SLC39A11: variants seen among roughly 807,000 people sequenced by gnomAD.
SLC39A11 encodes zinc transporter ZIP11.
Under a neutral mutation model 36.1 loss-of-function variants are expected in SLC39A11, and 33 were observed. The observed-to-expected ratio is 0.91, with a 90% CI of 0.69 to 1.22. The LOEUF is 1.22. Ranked by LOEUF, SLC39A11 falls within the 50% of genes most tolerant of loss-of-function variation. SLC39A11 has a pLI of 0.00. For missense variants in SLC39A11, 432 were observed against 430.3 expected, an observed-to-expected ratio of 1.00 and a Z score of -0.03; for synonymous variants, 166 against 170.3, an observed-to-expected ratio of 0.97 and a Z score of 0.20.
chr17:72,655,608 T>G (rs1181766772), intron 7 of SLC39A11, among the ~76,000 whole-genome samples: 3 of 152,118 alleles, frequency 2.0e-5, no homozygotes, highest in Admixed American at 2.0e-4. Flanking sequence ...AGGAGCCCCT[T>G]CCCTGCTATT....
intron 2 of SLC39A11, among the ~76,000 whole-genome samples, chr17:73,086,272 ACCTAATAAAATGCACCAG>A (rs542831602): frequency 8.9e-4 from 135 of 152,120 alleles, no homozygotes; most frequent in Non-Finnish European, 1.5e-3. Flanking sequence ...GTTGGTGCAA[ACCTAATAAAATGCACCAG>A]CCTAATAAAA....
chr17:73,046,095 C>T (rs570390541), intron 3 of SLC39A11, among the ~76,000 whole-genome samples: 3 of 152,260 alleles, frequency 2.0e-5, no homozygotes, highest in East Asian at 1.9e-4. Context: ...TGATACAAAA[C>T]GCAAAGATCT....
At chr17:72,749,735 C>T (rs948305758) in intron 6 of SLC39A11, among the ~76,000 whole-genome samples, 3 of 152,054 alleles carry the variant, frequency 2.0e-5, no homozygotes, top group Non-Finnish European at 4.4e-5. Flanking sequence ...CACTGCACAC[C>T]GAAGGCAGGA....
intron 7 of SLC39A11, among the ~76,000 whole-genome samples, chr17:72,680,986 G>C (rs2071487722): frequency 6.6e-6 from 1 of 152,162 alleles, no homozygotes. Context: ...CTGTTGCCCA[G>C]GCTGGATTGC....
At chr17:72,659,054 G>T (rs2070286533) in intron 7 of SLC39A11, among the ~76,000 whole-genome samples, 1 of 152,176 alleles carries the variant, frequency 6.6e-6, no homozygotes, top group Non-Finnish European at 1.5e-5. Flanking sequence ...GCAGAACCAT[G>T]TCCTGCAGTG....
chr17:72,932,953 G>A (rs867075172), intron 5 of SLC39A11, among the ~76,000 whole-genome samples: 13 of 152,060 alleles, frequency 8.5e-5, no homozygotes, highest in African/African-American at 3.1e-4. Context: ...TATGCATACC[G>A]TTCATCTACC....
chr17:72,900,223 AAGAAAG>A (rs2082320820), intron 5 of SLC39A11, among the ~76,000 whole-genome samples: 2 of 147,756 alleles, frequency 1.4e-5, no homozygotes, highest in East Asian at 2.0e-4. Flanking sequence ...GAAAGAAAGA[AAGAAAG>A]AAAAAGACAG....
Position 72,983,335 on chromosome 17 carries a change from G to A in SLC39A11, c.307-35460C>T, listed in dbSNP as rs1448698770. Among the ~76,000 whole-genome samples the A allele has an allele frequency of 4.6e-5, 7 of 152,144 alleles. 1 individual carries two copies. The highest frequency in any genetic ancestry group is 4.6e-4 in the Admixed American group (7 of 15,276). On this transcript the variant is annotated intron_variant, in intron 4 of 9. Transcript: ENST00000255559. ...CAGCTAATTTTGTATTTTTAGTAGA[G>A]ACGAGGTTTCACCATGTTGGCCAGG...
chr17:73,073,474 T>A (rs1014009402), intron 3 of SLC39A11, among the ~76,000 whole-genome samples: 2 of 152,130 alleles, frequency 1.3e-5, no homozygotes, highest in Admixed American at 6.5e-5. Flanking sequence ...ACCAACCCTG[T>A]TACACTGTCT....
At chr17:72,941,238 A>C (rs916876390) in intron 5 of SLC39A11, among the ~76,000 whole-genome samples, 3 of 152,136 alleles carry the variant, frequency 2.0e-5, no homozygotes, top group African/African-American at 7.2e-5. Flanking sequence ...GCACCACTGC[A>C]CTCCAGCCTG....
At chr17:73,047,965 T>C (rs2059353042) in intron 3 of SLC39A11, among the ~76,000 whole-genome samples, 2 of 8,730 alleles carry the variant, frequency 2.3e-4, no homozygotes, top group Non-Finnish European at 3.7e-4. Context: ...AGACTCCATC[T>C]CAAAAAAAAA....
At chr17:73,079,081 T>G (rs1399063748) in intron 3 of SLC39A11, among the ~76,000 whole-genome samples, 1 of 152,082 alleles carries the variant, frequency 6.6e-6, no homozygotes, top group Non-Finnish European at 1.5e-5. Context: ...ATATTTATAC[T>G]AGAAAATCTA....
chr17:72,812,481 T>A (rs1382237932), intron 6 of SLC39A11, among the ~76,000 whole-genome samples: 2 of 152,218 alleles, frequency 1.3e-5, no homozygotes, highest in Non-Finnish European at 2.9e-5. Context: ...AAAGAAATGG[T>A]TAGCCACACA....
intron 4 of SLC39A11, among the ~76,000 whole-genome samples, chr17:72,967,976 C>A (rs1243806155): frequency 3.9e-5 from 6 of 152,272 alleles, no homozygotes; most frequent in African/African-American, 9.6e-5. Flanking sequence ...TCACCACCCC[C>A]TCTCCTCCAC....
chr17:72,861,688 T>TATATATATATATA (rs1169877556), intron 5 of SLC39A11, among the ~76,000 whole-genome samples: 1 of 88,800 alleles, frequency 1.1e-5, no homozygotes, highest in African/African-American at 4.4e-5. Context: ...TATATATATA[T>TATATATATATATA]AAAATATATA....
At chr17:72,671,076 T>C (rs912525663) in intron 7 of SLC39A11, among the ~76,000 whole-genome samples, 10 of 152,212 alleles carry the variant, frequency 6.6e-5, no homozygotes, top group African/African-American at 2.4e-4. Context: ...GTGTCTGAGA[T>C]AAGGACTGTC....
chr17:72,791,579 T>C (rs2076705370), intron 6 of SLC39A11, among the ~76,000 whole-genome samples: 1 of 152,202 alleles, frequency 6.6e-6, no homozygotes, highest in Admixed American at 6.5e-5. Context: ...ATAGACATTA[T>C]TTCATTCAAT....
chr17:73,011,678 T>C (rs1201301792), intron 4 of SLC39A11, among the ~76,000 whole-genome samples: 1 of 150,986 alleles, frequency 6.6e-6, no homozygotes, highest in Non-Finnish European at 1.5e-5. Context: ...TTTTTTTTTT[T>C]TGGATGGAGT....
chr17:72,716,992 T>TACACAC (rs367641582), intron 7 of SLC39A11, among the ~76,000 whole-genome samples: 325 of 126,440 alleles, frequency 2.6e-3, no homozygotes, highest in African/African-American at 8.6e-3. Flanking sequence ...TATATATATA[T>TACACAC]ACACACACAC....
Sources: allele counts gnomAD v4.1 joint callset (sites outside exome capture counted in the v4.1 genomes callset), GRCh38; gene constraint gnomAD v4.1.1; transcripts MANE v1.5; gene names NCBI Gene and HGNC (gene_info 2026-07-23, HGNC 2026-07-21).